The following ME3 variants were observed in gnomAD, a reference collection of about 807,000 sequenced individuals.
ME3 encodes NADP-dependent malic enzyme, mitochondrial.
A neutral mutation model predicts 68.9 loss-of-function variants in ME3; 48 were observed. That is an observed-to-expected ratio of 0.70 (90% CI 0.55 to 0.89). The LOEUF (loss-of-function observed/expected upper bound fraction) is 0.89, where lower values mean the gene tolerates loss of function less well. Ranked by LOEUF, ME3 falls within the 40% of genes least tolerant of loss-of-function variation. The probability of loss-of-function intolerance (pLI) is 0.00; values close to 1 mark genes in which losing one functional copy is unlikely to be tolerated. For synonymous variants in ME3, 320 were observed against 318.8 expected (o/e 1.00, Z -0.04); for missense variants, 675 against 797.4 (o/e 0.85, Z 1.85).
intron 2 of ME3, among the ~76,000 whole-genome samples, chr11:86,577,375 A>C (rs1199164698): frequency 2.0e-5 from 3 of 152,224 alleles, no homozygotes; most frequent in Non-Finnish European, 4.4e-5. Context: ...CTGGAGGTTC[A>C]GGCTGCTTTC....
rs75430080 is a variant in ME3 at position 86,547,932 on chromosome 11, C to T, written c.467+8621G>A. ...ACAAAAGTCAGTTTGTTTAAATTGC[C>T]AGGGAATAATGCCTTTGGCTAAAGG... On this transcript the variant is annotated intron_variant, in intron 4 of 14. Coordinates refer to ENST00000543262, the Ensembl canonical transcript of ME3. Among the ~76,000 whole-genome samples the T allele has an allele frequency of 5.9e-3, 896 of 152,318 alleles. 4 individuals carry two copies. Among genetic ancestry groups the T allele is most frequent in the Non-Finnish European group, 9.4e-3 (638 of 68,040 alleles).
intron 8 of ME3, chr11:86,457,243 C>T (rs938989842): frequency 5.2e-5 from 8 of 154,584 alleles, no homozygotes; most frequent in African/African-American, 1.7e-4. Context: ...TCCTATATGT[C>T]CCACCCTATT....
intron 2 of ME3, among the ~76,000 whole-genome samples, chr11:86,585,465 G>A (rs1958678073): frequency 6.6e-6 from 1 of 152,102 alleles, no homozygotes; most frequent in Admixed American, 6.6e-5. Context: ...TGAGAGAGAG[G>A]GGTCAAGGAT....
intron 2 of ME3, 34 bp downstream of exon 2, chr11:86,671,728 G>A (rs759068028): frequency 2.5e-6 from 4 of 1,591,582 alleles, no homozygotes; most frequent in Non-Finnish European, 3.4e-6. Context: ...CCACGGGATC[G>A]CAACGCGGGC....
intron 2 of ME3, among the ~76,000 whole-genome samples, chr11:86,563,135 G>C (rs1221654624): frequency 6.6e-6 from 1 of 152,116 alleles, no homozygotes; most frequent in Non-Finnish European, 1.5e-5. Context: ...GAACATACAA[G>C]TGCATGTGTC....
intron 4 of ME3, among the ~76,000 whole-genome samples, chr11:86,542,155 T>C (rs752095938): frequency 2.6e-5 from 4 of 152,110 alleles, no homozygotes; most frequent in Non-Finnish European, 5.9e-5. Flanking sequence ...TGAAGGTCAC[T>C]AAAATCAAAG....
At chr11:86,456,348 C>G (rs1949923579) in intron 8 of ME3, among the ~76,000 whole-genome samples, 1 of 152,134 alleles carries the variant, frequency 6.6e-6, no homozygotes, top group Admixed American at 6.5e-5. Flanking sequence ...GGGTCTTTTT[C>G]TTTTTGGGTG....
intron 4 of ME3, among the ~76,000 whole-genome samples, chr11:86,544,700 C>T (rs1253357346): frequency 7.9e-5 from 12 of 152,112 alleles, no homozygotes; most frequent in Admixed American, 1.3e-4. Flanking sequence ...CAGGACCAGA[C>T]GGATTCATAG....
chr11:86,554,344 G>T (rs770787693), intron 4 of ME3, among the ~76,000 whole-genome samples: 1 of 152,164 alleles, frequency 6.6e-6, no homozygotes, highest in Non-Finnish European at 1.5e-5. Context: ...GGGGATAAAG[G>T]TCCTCTTCAG....
At chr11:86,499,269 G>A (rs1399095902) in intron 5 of ME3, among the ~76,000 whole-genome samples, 1 of 152,156 alleles carries the variant, frequency 6.6e-6, no homozygotes, top group Admixed American at 6.5e-5. Flanking sequence ...GGGAAGTCAG[G>A]CAGGAGTCAG....
At chr11:86,509,128 T>C (rs1347296649) in intron 4 of ME3, among the ~76,000 whole-genome samples, 1 of 152,216 alleles carries the variant, frequency 6.6e-6, no homozygotes, top group Non-Finnish European at 1.5e-5. Context: ...TGCCCTTTTT[T>C]CCTTCCTCTA....
intron 4 of ME3, among the ~76,000 whole-genome samples, chr11:86,539,554 C>T (rs1405625574): frequency 2.6e-5 from 4 of 152,056 alleles, no homozygotes; most frequent in Non-Finnish European, 5.9e-5. Flanking sequence ...GGTGCTTAAC[C>T]AATGCTTGTT....
intron 2 of ME3, among the ~76,000 whole-genome samples, chr11:86,627,922 A>G (rs1240351126): frequency 1.3e-5 from 2 of 152,242 alleles, no homozygotes; most frequent in Non-Finnish European, 2.9e-5. Context: ...TCTGGAATCA[A>G]TTAAGATGAA....
chr11:86,609,999 T>A (rs1408665025), intron 2 of ME3, among the ~76,000 whole-genome samples: 3 of 152,228 alleles, frequency 2.0e-5, no homozygotes, highest in African/African-American at 7.2e-5. Flanking sequence ...TTCAAGGGTA[T>A]AAACTATCAT....
chr11:86,582,221 G>A (rs1327380444), intron 2 of ME3, among the ~76,000 whole-genome samples: 1 of 152,218 alleles, frequency 6.6e-6, no homozygotes, highest in East Asian at 1.9e-4. Flanking sequence ...CTCTTTGTGT[G>A]CATGTGGTAG....
chr11:86,626,328 G>C (rs1943661574), intron 2 of ME3, among the ~76,000 whole-genome samples: 2 of 152,212 alleles, frequency 1.3e-5, no homozygotes, highest in Non-Finnish European at 2.9e-5. Context: ...TCCTCTACCT[G>C]TGAGTGGCAC....
At chr11:86,462,040 T>C (rs1198514165) in intron 8 of ME3, among the ~76,000 whole-genome samples, 2 of 152,118 alleles carry the variant, frequency 1.3e-5, no homozygotes, top group Admixed American at 1.3e-4. Context: ...TGTAAACAAA[T>C]GGATTGATTT....
intron 5 of ME3, among the ~76,000 whole-genome samples, chr11:86,507,843 G>A (rs926745218): frequency 2.3e-4 from 35 of 151,966 alleles, no homozygotes; most frequent in African/African-American, 8.5e-4. Context: ...AAATTACCCA[G>A]GCATAGTGGC....
chr11:86,661,633 A>T (rs1056249293), intron 2 of ME3, among the ~76,000 whole-genome samples: 1 of 152,188 alleles, frequency 6.6e-6, no homozygotes, highest in African/African-American at 2.4e-5. Flanking sequence ...CACCATCTTC[A>T]TCTACCACCT....
Sources: gnomAD v4.1 joint callset for allele counts (sites outside exome capture counted in the v4.1 genomes callset) on GRCh38, gnomAD v4.1.1 for gene constraint, MANE v1.5 for transcripts, NCBI Gene and HGNC (gene_info 2026-07-23, HGNC 2026-07-21) for gene names.